Variants in SLIT2 observed in about 807,000 individuals in gnomAD.
SLIT2 encodes slit guidance ligand 2, also known as slit homolog 2 protein.
Under a neutral mutation model 185.7 loss-of-function variants are expected in SLIT2, and 41 were observed. The ratio of observed to expected loss-of-function variants is 0.22; its 90% CI spans 0.17 to 0.29. SLIT2 has a LOEUF of 0.29. SLIT2 is among the 10% of genes least tolerant of loss of function. SLIT2 has a pLI of 1.00. For missense variants in SLIT2, 1,571 were observed against 1,909.0 expected, an observed-to-expected ratio of 0.82 and a Z score of 3.30; for synonymous variants, 693 against 680.2, an observed-to-expected ratio of 1.02 and a Z score of -0.29.
intron 6 of SLIT2, among the ~76,000 whole-genome samples, chr4:20,481,790 A>G (rs16869661): frequency 0.012 from 1,815 of 152,118 alleles, 33 homozygotes; most frequent in African/African-American, 0.041. Flanking sequence ...CAGTATTTTT[A>G]TATGGTTTTG....
At chr4:20,302,550 C>T (rs1717153354) in intron 4 of SLIT2, among the ~76,000 whole-genome samples, 1 of 152,004 alleles carries the variant, frequency 6.6e-6, no homozygotes, top group Admixed American at 6.6e-5. Context: ...ATGTCAGAGG[C>T]TAGAGCATTC....
chr4:20,374,247 A>T (rs879800071), intron 4 of SLIT2, among the ~76,000 whole-genome samples: 1 of 152,132 alleles, frequency 6.6e-6, no homozygotes, highest in South Asian at 2.1e-4. Context: ...TGTGTTTGCT[A>T]GGATTGCTAT....
intron 4 of SLIT2, among the ~76,000 whole-genome samples, chr4:20,289,873 C>T (rs762435957): frequency 3.3e-5 from 5 of 152,164 alleles, no homozygotes; most frequent in Admixed American, 6.5e-5. Context: ...AACCCTCATT[C>T]GTAGTGGGCC....
intron 30 of SLIT2, among the ~76,000 whole-genome samples, chr4:20,593,260 A>G (rs1414585094): frequency 6.6e-6 from 1 of 152,186 alleles, no homozygotes; most frequent in Non-Finnish European, 1.5e-5. Context: ...TAATCTTTAA[A>G]TAAACCTGTG....
intron 4 of SLIT2, among the ~76,000 whole-genome samples, chr4:20,315,572 G>A (rs977644297): frequency 2.0e-5 from 3 of 152,042 alleles, no homozygotes; most frequent in African/African-American, 7.2e-5. Flanking sequence ...GTTGAAGGGA[G>A]AAGGGAAGGA....
intron 4 of SLIT2, among the ~76,000 whole-genome samples, chr4:20,335,306 C>T (rs904489344): frequency 1.3e-5 from 2 of 152,110 alleles, no homozygotes; most frequent in Non-Finnish European, 2.9e-5. Context: ...CAAACAGAAT[C>T]ACCGGTGTGC....
intron 17 of SLIT2, 47 bp downstream of exon 17, chr4:20,532,105 G>A (rs1721867295): frequency 8.9e-7 from 1 of 1,120,756 alleles, no homozygotes; most frequent in African/African-American, 1.6e-5. Context: ...GCATTTTTTG[G>A]GTGTTCATTT....
At chr4:20,472,279 TATATATAGATATATAG>T (rs1244379360) in intron 5 of SLIT2, among the ~76,000 whole-genome samples, 2 of 22,548 alleles carry the variant, frequency 8.9e-5, no homozygotes, top group Non-Finnish European at 1.4e-4. Flanking sequence ...TATATATCTA[TATATATAGATATATAG>T]ATATATAGAT....
intron 9 of SLIT2, among the ~76,000 whole-genome samples, chr4:20,494,998 C>T (rs1347534671): frequency 6.6e-6 from 1 of 152,000 alleles, no homozygotes; most frequent in African/African-American, 2.4e-5. Flanking sequence ...GAAGAGACTT[C>T]TAGGAAAAAT....
chr4:20,336,547 G>A (rs559540467), intron 4 of SLIT2, among the ~76,000 whole-genome samples: 15 of 152,298 alleles, frequency 9.8e-5, no homozygotes, highest in African/African-American at 3.4e-4. Context: ...TGGGGGAGGG[G>A]AGAGGGATAG....
chr4:20,347,633 G>A (rs556109814), intron 4 of SLIT2, among the ~76,000 whole-genome samples: 1 of 152,256 alleles, frequency 6.6e-6, no homozygotes, highest in African/African-American at 2.4e-5. Flanking sequence ...TATATGCATG[G>A]AAACATCCAT....
At chr4:20,381,852 T>C (rs1423624212) in intron 4 of SLIT2, among the ~76,000 whole-genome samples, 3 of 151,632 alleles carry the variant, frequency 2.0e-5, no homozygotes, top group Non-Finnish European at 4.4e-5. Flanking sequence ...TCAGAAAAAT[T>C]CATAACAAAA....
intron 4 of SLIT2, among the ~76,000 whole-genome samples, chr4:20,327,928 A>G (rs1391736744): frequency 6.6e-6 from 1 of 152,028 alleles, no homozygotes; most frequent in Non-Finnish European, 1.5e-5. Context: ...CTGCATACTA[A>G]TTTTATGAAC....
At chr4:20,326,938 A>C in intron 4 of SLIT2, among the ~76,000 whole-genome samples, 1 of 151,710 alleles carries the variant, frequency 6.6e-6, no homozygotes, top group Non-Finnish European at 1.5e-5. Flanking sequence ...TATGTTTGTC[A>C]TAGCAAACAT....
intron 21 of SLIT2, among the ~76,000 whole-genome samples, chr4:20,542,949 C>T (rs1207528596): frequency 6.6e-6 from 1 of 151,550 alleles, no homozygotes; most frequent in African/African-American, 2.4e-5. Context: ...GTATCTTTCA[C>T]ATTTATTTGT....
chr4:20,368,376 C>CA lies in SLIT2; in HGVS notation c.396-99368dup, dbSNP rs200073640. 5.7e-3 allele frequency among the ~76,000 whole-genome samples: 852 copies of CA among 150,110 alleles called. 8 individuals are homozygous for CA. Among genetic ancestry groups the CA allele is most frequent in the African/African-American group, 0.019 (800 of 41,054 alleles). The stretch of plus-strand genomic sequence containing the variant: ...AAGATTAACAGAAAACAAAACAAAA[C>CA]AAAAAAAAGAGAAAGTTCTCAGTAG... On this transcript the variant is annotated intron_variant, in intron 4 of 36. Coordinates refer to ENST00000504154, the MANE Select transcript of SLIT2 (RefSeq NM_004787.4).
chr4:20,376,067 A>T (rs1723991100), intron 4 of SLIT2, among the ~76,000 whole-genome samples: 1 of 151,638 alleles, frequency 6.6e-6, no homozygotes, highest in Non-Finnish European at 1.5e-5. Context: ...TAAAAGAAAT[A>T]AAAAATTTTT....
chr4:20,444,780 C>T lies in SLIT2; in HGVS notation c.396-22972C>T, dbSNP rs78122274. Among the ~76,000 whole-genome samples, 305 of 152,176 alleles carry T rather than the reference C, an allele frequency of 2.0e-3. 8 individuals are homozygous for T. In the East Asian group the frequency reaches 0.05, roughly 25 times the overall value. ...TTGGCCTGCCAGTTTCACAATTCTC[C>T]ACCTCTACCTCCCACTGCATTGCAA... On this transcript the variant is annotated intron_variant, in intron 4 of 36. Transcript: ENST00000504154.
chr4:20,349,416 AC>A (rs1026880574), intron 4 of SLIT2, among the ~76,000 whole-genome samples: 1 of 152,098 alleles, frequency 6.6e-6, no homozygotes, highest in Non-Finnish European at 1.5e-5. Flanking sequence ...GGATACTGTC[AC>A]CCTCACTTCC....
Sources: allele counts gnomAD v4.1 joint callset (sites outside exome capture counted in the v4.1 genomes callset), GRCh38; gene constraint gnomAD v4.1.1; transcripts MANE v1.5; gene names NCBI Gene and HGNC (gene_info 2026-07-23, HGNC 2026-07-21).